FREM3: variants seen among roughly 807,000 people sequenced by gnomAD.
FREM3 encodes the protein FRAS1 related extracellular matrix 3, also known as FRAS1-related extracellular matrix protein 3.
A neutral mutation model predicts 129.1 loss-of-function variants in FREM3; 105 were observed. The ratio of observed to expected loss-of-function variants is 0.81; its 90% CI spans 0.69 to 0.96. The LOEUF is 0.96. Ranked by LOEUF, FREM3 falls within the 40% of genes least tolerant of loss-of-function variation. FREM3 has a pLI of 0.00. For missense variants in FREM3, 2,593 were observed against 2,666.3 expected, an observed-to-expected ratio of 0.97 and a Z score of 0.61; for synonymous variants, 1,014 against 1,044.9, an observed-to-expected ratio of 0.97 and a Z score of 0.57.
chr4:143,621,144 G>A lies in FREM3; in HGVS notation c.5672C>T (p.Pro1891Leu), dbSNP rs1397697206. The stretch of plus-strand genomic sequence containing the variant: ...CTCTTCTATTTTGTATTCCGCCTCT[G>A]GAATATAAACTGTTGATTCTAGAAA... Reference protein sequence around the residue: ...DPGDESTVYIPEAEYKIEEDI... With the variant: ...DPGDESTVYILEAEYKIEEDI... The change falls in exon 5 of 8, where the codon CCA (proline) becomes CTA (leucine). Residue 1891 changes from proline to leucine, a missense_variant. By Grantham distance (98) the Pro-to-Leu change is moderately conservative. Transcript: ENST00000329798. 6.5e-7 allele frequency: 1 copy of A among 1,536,946 alleles called. No individual in the cohort carries two copies. The highest frequency in any genetic ancestry group is 8.7e-7 in the Non-Finnish European group (1 of 1,146,736).
At chr4:143,626,772 C>T (rs1171037036) in intron 3 of FREM3, among the ~76,000 whole-genome samples, 1 of 152,114 alleles carries the variant, frequency 6.6e-6, no homozygotes, top group Non-Finnish European at 1.5e-5. Context: ...GGGAAAGCTT[C>T]CCTTTCCTTG....
chr4:143,616,616 C>A (rs1738854543), intron 5 of FREM3, among the ~76,000 whole-genome samples: 1 of 151,970 alleles, frequency 6.6e-6, no homozygotes, highest in South Asian at 2.1e-4. Flanking sequence ...GAAACCCCGT[C>A]TCTACTAAAA....
intron 6 of FREM3, among the ~76,000 whole-genome samples, chr4:143,592,970 A>G (rs561449107): frequency 1.3e-5 from 2 of 152,118 alleles, no homozygotes; most frequent in South Asian, 4.2e-4. Context: ...ACTTCTCTTT[A>G]TGCTTCATTT....
chr4:143,600,858 C>T (rs1312365090), intron 6 of FREM3, among the ~76,000 whole-genome samples: 1 of 152,132 alleles, frequency 6.6e-6, no homozygotes. Flanking sequence ...GCCAACATCT[C>T]TGCCTGAGAA....
intron 6 of FREM3, among the ~76,000 whole-genome samples, chr4:143,586,678 C>T (rs913196100): frequency 8.5e-5 from 13 of 152,130 alleles, no homozygotes; most frequent in African/African-American, 1.9e-4. Flanking sequence ...GTTGACAATG[C>T]GAATGTTGCT....
rs1313731463 is a variant in FREM3, at chr4:143,695,628, A to T, written c.5048T>A (p.Ile1683Asn). Residue 1683 changes from isoleucine (I) to asparagine (N), a missense_variant, in exon 1 of 8, where the codon ATT (isoleucine) becomes AAT (asparagine). Coordinates refer to ENST00000329798, the MANE Select transcript of FREM3 (RefSeq NM_001168235.2). ...RLHTGHMGFL[I>N]TSKSLKAEDQ... ...TTCTGCCTTCAGAGACTTGCTGGTAATCAGGAAGCCCATGTGTCCAGTGTG... is the reference window on the plus strand; with the variant it reads ...TTCTGCCTTCAGAGACTTGCTGGTATTCAGGAAGCCCATGTGTCCAGTGTG... 1.3e-6 allele frequency: 2 copies of T among 1,537,232 alleles called. No homozygotes were observed. The highest frequency in any genetic ancestry group is 1.2e-5 in the South Asian group (1 of 84,056).
intron 6 of FREM3, among the ~76,000 whole-genome samples, chr4:143,593,858 C>G (rs1738414531): frequency 6.6e-6 from 1 of 152,214 alleles, no homozygotes; most frequent in Non-Finnish European, 1.5e-5. Flanking sequence ...GCAGGCAGGC[C>G]TCCTTGAGCT....
Position 143,697,899 on chromosome 4 carries a change from A to G in FREM3, c.2777T>C (p.Ile926Thr), listed in dbSNP as rs1193226936. 2 of 1,537,750 alleles carry G rather than the reference A, an allele frequency of 1.3e-6. No individual in the cohort carries two copies. The highest frequency in any genetic ancestry group is 2.0e-5 in the Admixed American group (1 of 50,982). ...HLEVSDGVHH[I>T]PITIPISVHP... is the part of the protein sequence containing the mutation. ...CACAGAAATTGGGATGGTGATGGGT[A>G]TATGGTGCACCCCATCACTTACTTC... is the stretch of plus-strand genomic sequence containing the variant. The change falls in exon 1 of 8, where the codon ATA becomes ACA. Residue 926 changes from isoleucine (I) to threonine (T), a missense_variant. This residue lies in a region of FREM3 where 2,276 missense variants were observed against 2,267.2 expected (regional missense o/e 1.00). Coordinates refer to ENST00000329798, the MANE Select transcript of FREM3 (RefSeq NM_001168235.2).
chr4:143,660,826 A>G (rs1321837151), intron 2 of FREM3, among the ~76,000 whole-genome samples: 1 of 151,898 alleles, frequency 6.6e-6, no homozygotes, highest in Non-Finnish European at 1.5e-5. Context: ...ATTCCTAGGT[A>G]TTTTATTCTC....
Position 143,696,080 on chromosome 4 carries a change from A to C in FREM3, c.4596T>G (p.Asp1532Glu). The change falls in exon 1 of 8, where the codon GAT becomes GAG. Residue 1532 changes from aspartate to glutamate, a missense_variant. By Grantham distance (45) the Asp-to-Glu change is conservative. Around this residue, in one of 2 missense-constraint regions of FREM3, gnomAD observed 2,276 missense variants for 2,267.2 expected, o/e 1.00. Transcript: ENST00000329798. ...VFRTFRIFITDVDNKKPILTI... is the reference protein window; with the variant it reads ...VFRTFRIFITEVDNKKPILTI... ...TCAAGATAGGTTTCTTATTATCCAC[A>C]TCAGTGATGAAGATCCTGAAGGTTC... is the stretch of plus-strand genomic sequence containing the variant. 1 of 1,537,554 alleles carries C rather than the reference A, an allele frequency of 6.5e-7. No individual in the cohort carries two copies. Among genetic ancestry groups the C allele is most frequent in the Non-Finnish European group, 8.7e-7 (1 of 1,146,978 alleles).
intron 2 of FREM3, among the ~76,000 whole-genome samples, chr4:143,658,898 A>C (rs1739647377): frequency 6.6e-6 from 1 of 151,980 alleles, no homozygotes; most frequent in Admixed American, 6.6e-5. Context: ...TTACAAAGTT[A>C]CGGTGAATTC....
At position 143,698,702 on chromosome 4, in the gene FREM3, G is replaced by T; in HGVS notation, c.1974C>A (p.Arg658=). ...ATTGAGGGCTGTGTGGTCCAAGATG[G>T]CGGTAGAAGAGTCTCCCTTCCATTA... ...RDIMEGRLFY[R]HLGPHSPQSV... is the part of the protein sequence containing the mutation. The change falls in exon 1 of 8, where the codon CGC becomes CGA. Residue 658 remains arginine (R), a synonymous_variant. Transcript: ENST00000329798. 1.3e-6 allele frequency: 2 copies of T among 1,537,404 alleles called. No individual in the cohort carries two copies. The highest frequency in any genetic ancestry group is 1.7e-6 in the Non-Finnish European group (2 of 1,146,944).
At chr4:143,684,160 T>G (rs1328048800) in intron 2 of FREM3, among the ~76,000 whole-genome samples, 1 of 152,114 alleles carries the variant, frequency 6.6e-6, no homozygotes, top group Non-Finnish European at 1.5e-5. Flanking sequence ...CCACAGCTGA[T>G]GCTCTCTGGA....
chr4:143,696,948 T>A lies in FREM3; in HGVS notation c.3728A>T (p.Gln1243Leu). Residue 1243 changes from glutamine to leucine, a missense_variant, in exon 1 of 8, where the codon CAG becomes CTG. Transcript: ENST00000329798. ...GGGCTGGCTGCCTGTAGCCAGCTGC[T>A]GTATGATTCGTCCATGCCGAGGGAG... The part of the protein sequence containing the change: ...TALPRHGRII[Q>L]QLATGSQPIH... 6.5e-7 allele frequency: 1 copy of A among 1,537,724 alleles called. No homozygotes were observed. The highest frequency in any genetic ancestry group is 8.7e-7 in the Non-Finnish European group (1 of 1,147,038).
intron 2 of FREM3, among the ~76,000 whole-genome samples, chr4:143,665,664 A>T (rs1432113936): frequency 6.6e-6 from 1 of 152,114 alleles, no homozygotes; most frequent in South Asian, 2.1e-4. Flanking sequence ...TATATAAAAG[A>T]CACAGTAATG....
In FREM3 at chr4:143,691,127, G is replaced by C. The variant is rs114876102; in HGVS notation, c.5275+1986C>G. Among the ~76,000 whole-genome samples the C allele has an allele frequency of 7.1e-3, 1,077 of 152,270 alleles. 18 individuals carry two copies. The highest frequency in any genetic ancestry group is 0.024 in the African/African-American group (1,004 of 41,548). ...AAATGAATGTGCAAATGTTTAATTA[G>C]TTTATGTATATGTACTTTAAGATAC... is the stretch of plus-strand genomic sequence containing the variant. On this transcript the variant is annotated intron_variant, in intron 2 of 7. Coordinates refer to ENST00000329798, the MANE Select transcript of FREM3 (RefSeq NM_001168235.2).
intron 2 of FREM3, among the ~76,000 whole-genome samples, chr4:143,651,101 G>T (rs935372633): frequency 6.6e-6 from 1 of 152,128 alleles, no homozygotes; most frequent in Non-Finnish European, 1.5e-5. Flanking sequence ...TTCGGTTTTA[G>T]TCAGACAAGT....
chr4:143,584,599 G>A (rs1337104874), intron 7 of FREM3, among the ~76,000 whole-genome samples: 2 of 152,096 alleles, frequency 1.3e-5, no homozygotes, highest in Non-Finnish European at 2.9e-5. Context: ...ATATTTATGT[G>A]CCCAACAGAG....
At chr4:143,654,503 T>C (rs1739565358) in intron 2 of FREM3, among the ~76,000 whole-genome samples, 2 of 151,648 alleles carry the variant, frequency 1.3e-5, no homozygotes, top group South Asian at 4.2e-4. Context: ...TAGGAAAGAG[T>C]TTTCATGTAA....
Sources: allele counts gnomAD v4.1 joint callset (sites outside exome capture counted in the v4.1 genomes callset), GRCh38; gene constraint gnomAD v4.1.1; regional missense constraint gnomAD v4.1.1; transcripts MANE v1.5; gene names NCBI Gene and HGNC (gene_info 2026-07-23, HGNC 2026-07-21).